The following SCLT1 variants were observed in gnomAD, a reference collection of about 807,000 sequenced individuals.
SCLT1 encodes the protein sodium channel and clathrin linker 1, also known as sodium channel-associated protein 1.
A neutral mutation model predicts 112.8 loss-of-function variants in SCLT1; 78 were observed. That is an observed-to-expected ratio of 0.69 (90% CI 0.58 to 0.83). The LOEUF (loss-of-function observed/expected upper bound fraction) is 0.83. Among genes scored for constraint, SCLT1 ranks in the 40% least tolerant of loss-of-function variants. The pLI, the probability that SCLT1 is intolerant of heterozygous loss-of-function variation, is 0.00. For synonymous variants in SCLT1, 257 were observed against 254.7 expected (o/e 1.01, Z -0.09); for missense variants, 747 against 770.4 (o/e 0.97, Z 0.36).
At chr4:128,900,374 A>G (rs1386067709) in intron 18 of SCLT1, among the ~76,000 whole-genome samples, 2 of 152,202 alleles carry the variant, frequency 1.3e-5, no homozygotes, top group Admixed American at 6.5e-5. Context: ...ATAATGCCAC[A>G]TATCTACAAC....
intron 1 of SCLT1, among the ~76,000 whole-genome samples, chr4:129,090,377 G>A (rs1752731960): frequency 1.3e-5 from 2 of 152,276 alleles, no homozygotes; most frequent in South Asian, 4.1e-4. Context: ...ATGGAGAAAG[G>A]GTAGTTTTTC....
chr4:128,888,813 T>C (rs1733090549), intron 19 of SCLT1, 39 bp from the exon 20 acceptor site: 3 of 1,236,724 alleles, frequency 2.4e-6, no homozygotes, highest in African/African-American at 1.5e-5. Flanking sequence ...GAAATCCATA[T>C]GTGACATGGA....
At chr4:128,940,793 G>A (rs979747598) in intron 17 of SCLT1, among the ~76,000 whole-genome samples, 15 of 151,622 alleles carry the variant, frequency 9.9e-5, no homozygotes, top group Admixed American at 6.6e-4. Context: ...ACATATAGAT[G>A]TAACATATTT....
intron 9 of SCLT1, among the ~76,000 whole-genome samples, chr4:128,982,046 G>T (rs535861821): frequency 6.6e-6 from 1 of 152,288 alleles, no homozygotes; most frequent in South Asian, 2.1e-4. Context: ...AGATCAGAGA[G>T]ACATTTATAA....
intron 9 of SCLT1, among the ~76,000 whole-genome samples, chr4:128,973,533 AG>A (rs983866469): frequency 6.6e-6 from 1 of 151,704 alleles, no homozygotes; most frequent in Non-Finnish European, 1.5e-5. Context: ...AGAGAGAGAA[AG>A]AGAGAGAGAA....
intron 2 of SCLT1, among the ~76,000 whole-genome samples, chr4:129,080,188 C>T (rs1013541177): frequency 6.6e-6 from 1 of 152,230 alleles, no homozygotes; most frequent in Non-Finnish European, 1.5e-5. Context: ...GGGCATTCAG[C>T]TCCTCTTTAC....
intron 6 of SCLT1, among the ~76,000 whole-genome samples, chr4:129,000,360 G>A (rs1743369112): frequency 6.6e-6 from 1 of 151,832 alleles, no homozygotes; most frequent in African/African-American, 2.4e-5. Flanking sequence ...AACAAAATTA[G>A]GGACAATATA....
chr4:129,002,978 T>G (rs1211467306), intron 6 of SCLT1, among the ~76,000 whole-genome samples: 2 of 152,144 alleles, frequency 1.3e-5, no homozygotes, highest in Non-Finnish European at 2.9e-5. Context: ...TAAAGACACA[T>G]GCACATGTAT....
chr4:128,960,093 A>G (rs1579510838), intron 11 of SCLT1, among the ~76,000 whole-genome samples: 1 of 152,296 alleles, frequency 6.6e-6, no homozygotes, highest in East Asian at 1.9e-4. Flanking sequence ...ACACTGTATT[A>G]TATAGTTACA....
chr4:128,893,274 C>T (rs1366548494), intron 18 of SCLT1, among the ~76,000 whole-genome samples: 3 of 152,116 alleles, frequency 2.0e-5, no homozygotes, highest in African/African-American at 7.2e-5. Flanking sequence ...CACAAAGACA[C>T]AAATCATTAA....
At chr4:128,952,237 A>G (rs913790721) in intron 14 of SCLT1, 8 of 423,262 alleles carry the variant, frequency 1.9e-5, no homozygotes, top group Non-Finnish European at 1.4e-5. Context: ...AGTTATAAAC[A>G]TTTTCTCAAT....
intron 2 of SCLT1, among the ~76,000 whole-genome samples, chr4:129,075,917 G>C (rs1030479319): frequency 6.6e-6 from 1 of 151,996 alleles, no homozygotes; most frequent in Non-Finnish European, 1.5e-5. Flanking sequence ...CATTGTACAA[G>C]ACATGTCAAA....
intron 16 of SCLT1, 41 bp from the exon 17 acceptor site, chr4:128,943,229 G>T: frequency 1.5e-6 from 2 of 1,362,380 alleles, no homozygotes; most frequent in East Asian, 2.4e-5. Context: ...TAAACTTAAT[G>T]ATCTATAGTA....
intron 5 of SCLT1, among the ~76,000 whole-genome samples, chr4:129,033,955 G>A (rs1057086030): frequency 6.6e-6 from 1 of 152,140 alleles, no homozygotes; most frequent in African/African-American, 2.4e-5. Flanking sequence ...TAGGCAGATA[G>A]GATTCTGGCG....
At chr4:128,900,397 G>C (rs900617232) in intron 18 of SCLT1, among the ~76,000 whole-genome samples, 14 of 152,056 alleles carry the variant, frequency 9.2e-5, no homozygotes, top group African/African-American at 3.1e-4. Flanking sequence ...TCTGGTCTTT[G>C]ACAAACCTGA....
intron 5 of SCLT1, among the ~76,000 whole-genome samples, chr4:129,030,240 A>T (rs1259703694): frequency 1.3e-5 from 2 of 152,166 alleles, no homozygotes; most frequent in Non-Finnish European, 1.5e-5. Flanking sequence ...TGAGACAGAA[A>T]TCAAGAAGTT....
intron 18 of SCLT1, among the ~76,000 whole-genome samples, chr4:128,928,807 G>A (rs987330262): frequency 4.0e-5 from 6 of 149,644 alleles, no homozygotes; most frequent in African/African-American, 9.9e-5. Flanking sequence ...ACTCCAGCCC[G>A]GGAAACAAGA....
At chr4:128,939,068 A>T (rs1490059608) in intron 17 of SCLT1, among the ~76,000 whole-genome samples, 1 of 152,204 alleles carries the variant, frequency 6.6e-6, no homozygotes, top group Non-Finnish European at 1.5e-5. Context: ...CTGCCTAGTT[A>T]ACTCCCCATT....
rs773530602 is a variant in SCLT1, at chr4:129,082,324, G to A, written c.84C>T (p.Ser28=). ...TACATACCTGTACAGATGAATATTT[G>A]GAAAAACTTTCCATTTGATACCGCC... is the stretch of plus-strand genomic sequence containing the variant. ...DFRRYQMESF[S]KYSSVQKAVC... The change falls in exon 2 of 21, where the codon TCC becomes TCT. Residue 28 remains serine (S), a synonymous_variant. Transcript: ENST00000281142. 10 of 1,573,614 alleles carry A rather than the reference G, an allele frequency of 6.4e-6. No individual in the cohort carries two copies. Among genetic ancestry groups the A allele is most frequent in the Non-Finnish European group, 7.0e-6 (8 of 1,149,018 alleles).
Sources: allele counts gnomAD v4.1 joint callset (sites outside exome capture counted in the v4.1 genomes callset), GRCh38; gene constraint gnomAD v4.1.1; transcripts MANE v1.5; gene names NCBI Gene and HGNC (gene_info 2026-07-23, HGNC 2026-07-21).